SOX6: variants seen among roughly 807,000 people sequenced by gnomAD.
SOX6 encodes SRY-box transcription factor 6, also known as transcription factor SOX-6.
SOX6 carries 11 observed loss-of-function variants against 97.8 expected under a neutral mutation model. That is an observed-to-expected ratio of 0.11 (90% CI 0.07 to 0.19). SOX6 has a LOEUF of 0.19. SOX6 is among the 10% of genes least tolerant of loss of function. The pLI is 1.00. For synonymous variants in SOX6, 360 were observed against 371.4 expected (o/e 0.97, Z 0.35); for missense variants, 810 against 1,039.5 (o/e 0.78, Z 3.04).
intron 12 of SOX6, among the ~76,000 whole-genome samples, chr11:16,034,147 G>A (rs970150405): frequency 2.6e-5 from 4 of 152,004 alleles, no homozygotes; most frequent in African/African-American, 9.7e-5. Flanking sequence ...CCAAATATAT[G>A]GTTTCTTTTC....
intron 4 of SOX6, among the ~76,000 whole-genome samples, chr11:16,603,523 G>T (rs2133978598): frequency 6.6e-6 from 1 of 152,146 alleles, no homozygotes; most frequent in African/African-American, 2.4e-5. Context: ...AGAGACCTTT[G>T]GGAGTGGGGG....
At chr11:16,528,137 G>T (rs566746136) in intron 4 of SOX6, among the ~76,000 whole-genome samples, 1 of 152,096 alleles carries the variant, frequency 6.6e-6, no homozygotes, top group South Asian at 2.1e-4. Flanking sequence ...TGTAACATAA[G>T]GCACAGGATA....
intron 13 of SOX6, among the ~76,000 whole-genome samples, chr11:15,990,872 T>C (rs940772956): frequency 6.6e-6 from 1 of 152,210 alleles, no homozygotes; most frequent in African/African-American, 2.4e-5. Flanking sequence ...ACCAACATGA[T>C]TCAATCAATC....
At chr11:16,318,168 C>T in intron 3 of SOX6, 1 of 453,852 alleles carries the variant, frequency 2.2e-6, no homozygotes, top group Non-Finnish European at 4.0e-6. Context: ...TCTCTTGTTA[C>T]CTTTTTCCAG....
chr11:16,690,751 T>C (rs1848006987), intron 3 of SOX6, among the ~76,000 whole-genome samples: 1 of 152,242 alleles, frequency 6.6e-6, no homozygotes, highest in South Asian at 2.1e-4. Context: ...TTAAACTCTA[T>C]TACATCATTT....
At chr11:16,724,677 AT>A (rs1222902329) in intron 2 of SOX6, among the ~76,000 whole-genome samples, 1 of 152,160 alleles carries the variant, frequency 6.6e-6, no homozygotes, top group African/African-American at 2.4e-5. Flanking sequence ...TTTGGGAACC[AT>A]TGCTGCAAAT....
At chr11:16,040,333 T>C (rs1193031412) in intron 12 of SOX6, among the ~76,000 whole-genome samples, 1 of 152,010 alleles carries the variant, frequency 6.6e-6, no homozygotes, top group African/African-American at 2.4e-5. Context: ...AGTTTGGCCT[T>C]TTAAGCTAGT....
chr11:16,700,039 T>G (rs1360062303), intron 3 of SOX6, among the ~76,000 whole-genome samples: 3 of 151,818 alleles, frequency 2.0e-5, no homozygotes, highest in African/African-American at 7.3e-5. Flanking sequence ...ATCAGACACA[T>G]GCAAATAATG....
At chr11:16,317,926 A>G (rs766402193) in intron 3 of SOX6, 1 of 450,810 alleles carries the variant, frequency 2.2e-6, no homozygotes, top group South Asian at 1.6e-5. Context: ...GGGATGTTGC[A>G]AGAGATGTCA....
At chr11:16,700,067 A>C (rs1848081753) in intron 3 of SOX6, among the ~76,000 whole-genome samples, 1 of 152,142 alleles carries the variant, frequency 6.6e-6, no homozygotes, top group African/African-American at 2.4e-5. Context: ...TCAGAAATAC[A>C]GCATGTACAA....
chr11:16,077,474 A>C (rs923382581), intron 9 of SOX6, among the ~76,000 whole-genome samples: 3 of 152,162 alleles, frequency 2.0e-5, no homozygotes, highest in Non-Finnish European at 4.4e-5. Context: ...AACCCAAATG[A>C]ATATAAATCA....
At chr11:16,297,359 A>G (rs1855125710) in intron 3 of SOX6, among the ~76,000 whole-genome samples, 1 of 152,190 alleles carries the variant, frequency 6.6e-6, no homozygotes, top group Non-Finnish European at 1.5e-5. Context: ...ATAATATAGT[A>G]TTATGAATAT....
intron 3 of SOX6, among the ~76,000 whole-genome samples, chr11:16,657,071 C>T (rs141674503): frequency 6.6e-6 from 1 of 152,314 alleles, no homozygotes; most frequent in East Asian, 1.9e-4. Flanking sequence ...CAGTATCATA[C>T]AGAATCACTT....
At chr11:16,126,011 A>C (rs1849603019) in intron 6 of SOX6, among the ~76,000 whole-genome samples, 1 of 152,156 alleles carries the variant, frequency 6.6e-6, no homozygotes, top group Admixed American at 6.6e-5. Flanking sequence ...AGAAGCATTC[A>C]CATGGTTATT....
chr11:16,467,515 G>A (rs533550256), intron 1 of SOX6, among the ~76,000 whole-genome samples: 12 of 152,200 alleles, frequency 7.9e-5, no homozygotes, highest in East Asian at 1.9e-4. Context: ...GGCCATTATC[G>A]TTGGCAAACT....
chr11:15,979,700 C>G (rs1007250941), intron 15 of SOX6, among the ~76,000 whole-genome samples: 1 of 152,080 alleles, frequency 6.6e-6, no homozygotes, highest in African/African-American at 2.4e-5. Context: ...AAAACCTTTA[C>G]AGTTGCTGTT....
intron 4 of SOX6, among the ~76,000 whole-genome samples, chr11:16,552,339 G>A (rs1439530885): frequency 6.6e-6 from 1 of 152,146 alleles, no homozygotes. Context: ...TTAAATGTGG[G>A]AAGCAAATTC....
At chr11:16,585,499 G>C (rs530484774) in intron 4 of SOX6, among the ~76,000 whole-genome samples, 2 of 152,086 alleles carry the variant, frequency 1.3e-5, no homozygotes, top group South Asian at 4.1e-4. Flanking sequence ...TTTACCACAA[G>C]TTCATTTCAT....
chr11:16,026,528 G>A (rs1331542454), intron 12 of SOX6, among the ~76,000 whole-genome samples: 1 of 152,126 alleles, frequency 6.6e-6, no homozygotes, highest in Admixed American at 6.6e-5. Flanking sequence ...CATTATGGTG[G>A]CACTAGCCCA....
Sources: gnomAD v4.1 joint callset for allele counts (sites outside exome capture counted in the v4.1 genomes callset) on GRCh38, gnomAD v4.1.1 for gene constraint, MANE v1.5 for transcripts, NCBI Gene and HGNC (gene_info 2026-07-23, HGNC 2026-07-21) for gene names.